The following NAA50 variants were observed in gnomAD, a reference collection of about 807,000 sequenced individuals.
NAA50 encodes N-alpha-acetyltransferase 50.
Under a neutral mutation model 20.7 loss-of-function variants are expected in NAA50, and 7 were observed. That is an observed-to-expected ratio of 0.34 (90% CI 0.19 to 0.63). The LOEUF (loss-of-function observed/expected upper bound fraction) is 0.63. NAA50 is among the 30% of genes least tolerant of loss of function. NAA50 has a pLI of 0.75. For synonymous variants in NAA50, 54 were observed against 70.6 expected (o/e 0.77, Z 1.18); for missense variants, 111 against 199.1 (o/e 0.56, Z 2.66).
intron 1 of NAA50, among the ~76,000 whole-genome samples, chr3:113,742,290 T>G (rs1334694254): frequency 1.3e-5 from 2 of 152,184 alleles, no homozygotes; most frequent in Non-Finnish European, 2.9e-5. Context: ...AAGACCAGTT[T>G]TCGCTCTGTT....
At chr3:113,734,844 T>C (rs1255613497) in intron 1 of NAA50, among the ~76,000 whole-genome samples, 8 of 152,214 alleles carry the variant, frequency 5.3e-5, no homozygotes, top group South Asian at 4.1e-4. Context: ...AGTTTTTTTT[T>C]CCATCAAAAC....
chr3:113,732,993 T>G (rs1708290129), intron 1 of NAA50, among the ~76,000 whole-genome samples: 1 of 152,068 alleles, frequency 6.6e-6, no homozygotes, highest in African/African-American at 2.4e-5. Context: ...TGATGTTGAG[T>G]ATGTTTTTGT....
chr3:113,734,306 G>C (rs1284397530), intron 1 of NAA50, among the ~76,000 whole-genome samples: 1 of 152,134 alleles, frequency 6.6e-6, no homozygotes, highest in Non-Finnish European at 1.5e-5. Context: ...CTAGAAGAGG[G>C]AGAAGGGAGG....
rs760989266 is a variant in NAA50, at chr3:113,721,795, C to A, written c.475G>T (p.Gly159Cys). 6 of 1,613,746 alleles carry A rather than the reference C, an allele frequency of 3.7e-6. No homozygotes were observed. The African/African-American group carries it at 8.0e-5, about 22-fold the overall frequency. Reference sequence around the variant, plus strand: ...GTCTTTTGCACATCTGCATTCTGACCAGAAGGAACTTTGAGGTTTTTCTGC... The same window carrying A: ...GTCTTTTGCACATCTGCATTCTGACAAGAAGGAACTTTGAGGTTTTTCTGC... ...VLQKNLKVPS[G>C]QNADVQKTDN The change falls in exon 5 of 5, where the codon GGT becomes TGT. Residue 159 changes from glycine to cysteine, a missense_variant. By Grantham distance (159) the Gly-to-Cys change is radical. Coordinates refer to ENST00000240922, the MANE Select transcript of NAA50 (RefSeq NM_025146.4).
intron 1 of NAA50, among the ~76,000 whole-genome samples, chr3:113,745,158 G>T (rs1389938378): frequency 6.6e-6 from 1 of 152,166 alleles, no homozygotes; most frequent in Admixed American, 6.6e-5. Context: ...AACTTAACCA[G>T]TCGATCCAAA....
intron 1 of NAA50, among the ~76,000 whole-genome samples, chr3:113,734,689 T>TA (rs1708316822): frequency 2.0e-5 from 3 of 152,204 alleles, no homozygotes; most frequent in Non-Finnish European, 2.9e-5. Context: ...AGGCTTCAGT[T>TA]TATATAGAAC....
At chr3:113,728,984 TTTTC>T (rs1254888549) in intron 1 of NAA50, among the ~76,000 whole-genome samples, 3 of 151,486 alleles carry the variant, frequency 2.0e-5, no homozygotes, top group African/African-American at 4.8e-5. Context: ...ACTTTTTTCC[TTTTC>T]TTTTTTTTTT....
At chr3:113,741,237 TAC>T (rs1708410055) in intron 1 of NAA50, 1 of 430,980 alleles carries the variant, frequency 2.3e-6, no homozygotes, top group Non-Finnish European at 4.6e-6. Flanking sequence ...AGGTCCTCAG[TAC>T]ACAGACTGCA....
chr3:113,745,922 G>A lies in NAA50; in HGVS notation c.8+20C>T. 1 of 1,603,414 alleles carries A rather than the reference G, an allele frequency of 6.2e-7. No homozygotes were observed. Among genetic ancestry groups the A allele is most frequent in the Non-Finnish European group, 8.5e-7 (1 of 1,178,554 alleles). On this transcript the variant is annotated intron_variant, in intron 1 of 4. Coordinates refer to ENST00000240922, the MANE Select transcript of NAA50 (RefSeq NM_025146.4). The stretch of plus-strand genomic sequence containing the variant: ...CCTTCTACCCCACCGGCCGGGCCCT[G>A]CCCGGCTGCCCTTCCTCACCCTTTC...
At position 113,745,964 on chromosome 3, in the gene NAA50, G is replaced by A. The variant is rs374186224; in HGVS notation, c.-15C>T. Reference sequence around the variant, plus strand: ...CACCCTTTCATCTTCCCCGCCTGCTGAGGCCGTCGTTACCACCGATATCAA... The same window carrying A: ...CACCCTTTCATCTTCCCCGCCTGCTAAGGCCGTCGTTACCACCGATATCAA... On this transcript the variant is annotated 5_prime_UTR_variant, in exon 1 of 5. Transcript: ENST00000240922. 1.2e-6 allele frequency: 2 copies of A among 1,605,728 alleles called. No individual in the cohort carries two copies. The highest frequency in any genetic ancestry group is 1.3e-5 in the African/African-American group (1 of 74,764).
At chr3:113,725,370 C>T (rs967114311) in intron 1 of NAA50, among the ~76,000 whole-genome samples, 2 of 151,994 alleles carry the variant, frequency 1.3e-5, no homozygotes, top group African/African-American at 4.8e-5. Flanking sequence ...TTAACATATA[C>T]AAAAACATGC....
chr3:113,743,951 G>C (rs1559743665), intron 1 of NAA50, among the ~76,000 whole-genome samples: 1 of 152,268 alleles, frequency 6.6e-6, no homozygotes, highest in Non-Finnish European at 1.5e-5. Flanking sequence ...TTATGTATCA[G>C]AAAGAACATC....
At chr3:113,741,807 T>C (rs542884687) in intron 1 of NAA50, among the ~76,000 whole-genome samples, 2 of 152,320 alleles carry the variant, frequency 1.3e-5, no homozygotes, top group South Asian at 2.1e-4. Flanking sequence ...ATTACACCAC[T>C]AATGGCAACA....
intron 3 of NAA50, 28 bp from the exon 4 acceptor site, chr3:113,723,000 T>A (rs1410747044): frequency 6.7e-7 from 1 of 1,500,460 alleles, no homozygotes; most frequent in Non-Finnish European, 9.0e-7. Flanking sequence ...AACAAACACG[T>A]GACTTCATAA....
At position 113,746,231 on chromosome 3, in the gene NAA50, T is replaced by C. The variant is rs1708501841; in HGVS notation, c.-282A>G. 7.6e-6 allele frequency: 3 copies of C among 393,894 alleles called. No homozygotes were observed. Among genetic ancestry groups the C allele is most frequent in the Non-Finnish European group, 1.4e-5 (3 of 219,290 alleles). The allele number at this position is 393,894 out of a possible 1,614,324, so 24.4% of individuals were successfully genotyped here. A position where few individuals can be genotyped will look rare whatever the true frequency, so the allele number is the denominator to read the frequency against. ...CGCCGCTGCCGCCAGCCAGACCCGCTGCCGCGCTGTGACCTTTCACCCCGC... is the reference window on the plus strand; with the variant it reads ...CGCCGCTGCCGCCAGCCAGACCCGCCGCCGCGCTGTGACCTTTCACCCCGC... On this transcript the variant is annotated 5_prime_UTR_variant, in exon 1 of 5. Coordinates refer to ENST00000240922, the MANE Select transcript of NAA50 (RefSeq NM_025146.4).
intron 1 of NAA50, among the ~76,000 whole-genome samples, chr3:113,744,759 T>C (rs953095547): frequency 1.3e-5 from 2 of 152,092 alleles, no homozygotes; most frequent in African/African-American, 4.8e-5. Context: ...TAAAGGAAAA[T>C]TAAAGTAAGG....
chr3:113,728,246 TTC>T (rs1708225392), intron 1 of NAA50, among the ~76,000 whole-genome samples: 1 of 152,186 alleles, frequency 6.6e-6, no homozygotes, highest in Non-Finnish European at 1.5e-5. Context: ...ATTTAAAAAA[TTC>T]TGTCAATCTA....
In NAA50 at chr3:113,730,428, T is replaced by C. The variant is rs374729774; in HGVS notation, c.9-6333A>G. ...GCCTTTTATGGGCATCAGTTTTGAT[T>C]GATTCCTTGGCTTTCGGAAAAAAAA... On this transcript the variant is annotated intron_variant, in intron 1 of 4. Transcript: ENST00000240922. Among the ~76,000 whole-genome samples, 119 of 152,094 alleles carry C rather than the reference T, an allele frequency of 7.8e-4. 1 individual carries two copies. The highest frequency in any genetic ancestry group is 2.6e-3 in the African/African-American group (108 of 41,486).
rs551934635 is a variant in NAA50 at position 113,718,227 on chromosome 3, C to A, written c.*3533G>T. ...TGTGTGATACCCACACAGTGAGGAA[C>A]AGAAGCCCAAGAGCCACGTAAGCAA... On this transcript the variant is annotated 3_prime_UTR_variant, in exon 5 of 5. Coordinates refer to ENST00000240922, the MANE Select transcript of NAA50 (RefSeq NM_025146.4). 1.3e-5 allele frequency: 2 copies of A among 152,274 alleles called. No individual in the cohort carries two copies. The highest frequency in any genetic ancestry group is 4.8e-5 in the African/African-American group (2 of 41,540). The allele number at this position is 152,274 out of a possible 1,614,324, so 9.4% of individuals were successfully genotyped here.
Sources: gnomAD v4.1 joint callset for allele counts (sites outside exome capture counted in the v4.1 genomes callset) on GRCh38, gnomAD v4.1.1 for gene constraint, MANE v1.5 for transcripts, NCBI Gene and HGNC (gene_info 2026-07-23, HGNC 2026-07-21) for gene names.